Variants in KRABD5 observed in about 807,000 individuals in gnomAD.
The protein encoded by KRABD5 is KRAB domain-containing protein 5.
the KRABD5 span, among the ~76,000 whole-genome samples, chr16:31,716,770 A>G: frequency 4.6e-5 from 7 of 152,220 alleles, no homozygotes; most frequent in Non-Finnish European, 1.0e-4. Context: ...ATGTCCATTA[A>G]TTCAAGATTA....
At chr16:31,740,207 G>A in the KRABD5 span, among the ~76,000 whole-genome samples, 4 of 152,160 alleles carry the variant, frequency 2.6e-5, no homozygotes, top group South Asian at 2.1e-4. Flanking sequence ...CTCCACGACC[G>A]AGCTGGTCTC....
the KRABD5 span, chr16:31,713,598 G>T: frequency 9.5e-7 from 1 of 1,055,494 alleles, no homozygotes; most frequent in South Asian, 1.6e-5. Context: ...GCCGGCAGCC[G>T]GGACCCCGCG....
chr16:31,738,009 TTTTC>T, the KRABD5 span, among the ~76,000 whole-genome samples: 25 of 152,240 alleles, frequency 1.6e-4, no homozygotes, highest in Admixed American at 6.5e-4. Flanking sequence ...GACATGCCAT[TTTTC>T]TTTCTGTTTT....
the KRABD5 span, among the ~76,000 whole-genome samples, chr16:31,746,571 G>A: frequency 6.6e-6 from 1 of 152,110 alleles, no homozygotes; most frequent in Non-Finnish European, 1.5e-5. Context: ...TTCGACCTTG[G>A]AGAATCTGAT....
the KRABD5 span, chr16:31,755,999 A>G: frequency 6.3e-6 from 1 of 159,418 alleles, no homozygotes; most frequent in South Asian, 1.7e-4. Flanking sequence ...TGTTTGGACA[A>G]GTAATTATTC....
chr16:31,746,325 C>T, the KRABD5 span, among the ~76,000 whole-genome samples: 1 of 152,136 alleles, frequency 6.6e-6, no homozygotes, highest in South Asian at 2.1e-4. Context: ...AATGAAATCC[C>T]TCAGCATTTG....
the KRABD5 span, chr16:31,755,509 T>A: frequency 2.2e-6 from 1 of 461,152 alleles, no homozygotes; most frequent in African/African-American, 2.0e-5. Context: ...ATTCCTCATG[T>A]CTTTCTGTGC....
At chr16:31,749,381 C>A in the KRABD5 span, among the ~76,000 whole-genome samples, 1 of 152,218 alleles carries the variant, frequency 6.6e-6, no homozygotes. Flanking sequence ...GGGAGCTTAG[C>A]ATGTTATGCA....
the KRABD5 span, among the ~76,000 whole-genome samples, chr16:31,728,942 A>T: frequency 1.3e-5 from 2 of 152,164 alleles, no homozygotes; most frequent in Non-Finnish European, 2.9e-5. Context: ...TATGCTTTAT[A>T]TATTTAAGTA....
the KRABD5 span, chr16:31,759,312 GT>G: frequency 1.3e-6 from 2 of 1,525,730 alleles, no homozygotes; most frequent in African/African-American, 2.8e-5. Context: ...TGAGAGAAAA[GT>G]TGGACACAAA....
the KRABD5 span, among the ~76,000 whole-genome samples, chr16:31,719,553 G>C: frequency 2.0e-5 from 3 of 152,162 alleles, no homozygotes; most frequent in Admixed American, 2.0e-4. Context: ...GAAGCCTAGG[G>C]CCTGACCCGT....
chr16:31,729,161 T>A, the KRABD5 span, among the ~76,000 whole-genome samples: 7 of 152,222 alleles, frequency 4.6e-5, no homozygotes, highest in African/African-American at 1.4e-4. Context: ...ACTGTTAGCT[T>A]ATGTTTGTCC....
chr16:31,720,528 G>A, the KRABD5 span, among the ~76,000 whole-genome samples: 1 of 152,158 alleles, frequency 6.6e-6, no homozygotes, highest in Non-Finnish European at 1.5e-5. Flanking sequence ...GAGTCACATG[G>A]CCAGTTTTAA....
the KRABD5 span, among the ~76,000 whole-genome samples, chr16:31,745,857 C>T: frequency 6.6e-6 from 1 of 152,046 alleles, no homozygotes; most frequent in South Asian, 2.1e-4. Context: ...GAGTTGTTCC[C>T]TTTACCATTA....
chr16:31,733,005 C>CT, the KRABD5 span, among the ~76,000 whole-genome samples: 7 of 151,546 alleles, frequency 4.6e-5, no homozygotes, highest in Middle Eastern at 3.6e-3. Context: ...GATTGTGTTT[C>CT]TTTTTTTTCA....
At chr16:31,724,413 C>T in the KRABD5 span, among the ~76,000 whole-genome samples, 14 of 151,942 alleles carry the variant, frequency 9.2e-5, no homozygotes, top group South Asian at 4.1e-4. Flanking sequence ...GTGGGCCGGG[C>T]GCGGTGGCTC....
At chr16:31,730,885 T>C in the KRABD5 span, among the ~76,000 whole-genome samples, 379 of 152,324 alleles carry the variant, frequency 2.5e-3, 2 homozygotes, top group East Asian at 7.5e-3. Context: ...ATCTGGTTCC[T>C]TTTAATGGTT....
At chr16:31,729,589 T>A in the KRABD5 span, among the ~76,000 whole-genome samples, 2 of 152,200 alleles carry the variant, frequency 1.3e-5, no homozygotes, top group Admixed American at 6.6e-5. Flanking sequence ...AATTTTAACC[T>A]AAATTTTGGA....
the KRABD5 span, chr16:31,733,463 T>C: frequency 6.6e-6 from 3 of 455,442 alleles, no homozygotes; most frequent in East Asian, 1.4e-4. Flanking sequence ...GTGTTAAGTA[T>C]AGTCATATTG....
Sources: gnomAD v4.1 joint callset for allele counts (sites outside exome capture counted in the v4.1 genomes callset) on GRCh38, gnomAD v4.1.1 for gene constraint, MANE v1.5 for transcripts, NCBI Gene and HGNC (gene_info 2026-07-23, HGNC 2026-07-21) for gene names.